Variants in VPS13B observed in about 807,000 individuals in gnomAD.
The protein encoded by VPS13B is intermembrane lipid transfer protein VPS13B.
In VPS13B, 285 loss-of-function variants were observed where a neutral mutation model predicts 426.4. The observed-to-expected ratio is 0.67, with a 90% CI of 0.61 to 0.74. The LOEUF (loss-of-function observed/expected upper bound fraction) is 0.74, where lower values mean the gene tolerates loss of function less well. Among genes scored for constraint, VPS13B ranks in the 30% least tolerant of loss-of-function variants. VPS13B has a pLI of 0.00. For synonymous variants in VPS13B, 1,676 were observed against 1,676.4 expected (o/e 1.00, Z 0.01); for missense variants, 4,537 against 4,782.6 (o/e 0.95, Z 1.51).
intron 17 of VPS13B, among the ~76,000 whole-genome samples, chr8:99,207,030 A>C (rs1814769795): frequency 6.6e-6 from 1 of 152,188 alleles, no homozygotes; most frequent in Non-Finnish European, 1.5e-5. Flanking sequence ...AATTGGAGTA[A>C]AAAGACATTA....
chr8:99,787,108 A>G (rs976890818), intron 43 of VPS13B, among the ~76,000 whole-genome samples: 1 of 152,184 alleles, frequency 6.6e-6, no homozygotes, highest in Admixed American at 6.6e-5. Flanking sequence ...TAGTCAATTC[A>G]TAGTCTCAGG....
intron 33 of VPS13B, among the ~76,000 whole-genome samples, chr8:99,621,496 T>C (rs570856476): frequency 1.3e-5 from 2 of 152,318 alleles, no homozygotes; most frequent in East Asian, 3.9e-4. Flanking sequence ...ATCAGCCCAG[T>C]TGACTTTTTT....
At chr8:99,415,131 G>A (rs887653322) in intron 21 of VPS13B, among the ~76,000 whole-genome samples, 2 of 151,054 alleles carry the variant, frequency 1.3e-5, no homozygotes, top group East Asian at 3.9e-4. Flanking sequence ...CTCTAATCTT[G>A]TCTTCACACT....
At chr8:99,651,016 A>G (rs1456351191) in intron 34 of VPS13B, among the ~76,000 whole-genome samples, 3 of 152,202 alleles carry the variant, frequency 2.0e-5, no homozygotes, top group Admixed American at 6.5e-5. Context: ...TAGGATATAA[A>G]TAGGCTATAA....
intron 17 of VPS13B, among the ~76,000 whole-genome samples, chr8:99,271,127 T>C (rs544782430): frequency 2.2e-4 from 34 of 152,152 alleles, no homozygotes; most frequent in African/African-American, 8.2e-4. Context: ...CAGTGCATGT[T>C]AAGTGCTATG....
intron 24 of VPS13B, among the ~76,000 whole-genome samples, chr8:99,471,617 A>C (rs1819411036): frequency 6.6e-6 from 1 of 152,178 alleles, no homozygotes; most frequent in African/African-American, 2.4e-5. Context: ...AGGAACAAAA[A>C]ATGGAGGGTA....
intron 3 of VPS13B, among the ~76,000 whole-genome samples, chr8:99,039,260 T>C (rs770330163): frequency 2.0e-5 from 3 of 152,212 alleles, no homozygotes; most frequent in Non-Finnish European, 4.4e-5. Flanking sequence ...CAGGTTATTT[T>C]TTGGGAAGAT....
intron 6 of VPS13B, among the ~76,000 whole-genome samples, 199 bp from the exon 7 acceptor site, chr8:99,115,501 C>G (rs879584203): frequency 6.6e-6 from 1 of 152,044 alleles, no homozygotes; most frequent in South Asian, 2.1e-4. Flanking sequence ...TCGTTTCTAT[C>G]TAACGTGTAT....
At chr8:99,614,370 C>G (rs373707320) in intron 33 of VPS13B, among the ~76,000 whole-genome samples, 1 of 152,020 alleles carries the variant, frequency 6.6e-6, no homozygotes, top group Non-Finnish European at 1.5e-5. Flanking sequence ...CTCCGCCTCC[C>G]GGGTTCAAGC....
In VPS13B at chr8:99,467,463, C is replaced by G; in HGVS notation, c.3495C>G (p.Thr1165=). ...GCTTGCATAATTTCAGCATATATAC[C>G]CTTCTTGGAAAACAAGTGACACTTT... ...TISLHNFSIY[T]LLGKQVTLCL... is the part of the protein sequence containing the mutation. Residue 1165 remains threonine (T), a synonymous_variant, in exon 24 of 62, where the codon ACC becomes ACG. Coordinates refer to ENST00000357162, the MANE Select transcript of VPS13B (RefSeq NM_152564.5). The G allele has an allele frequency of 1.9e-6, 3 of 1,613,586 alleles. No homozygotes were observed. Among genetic ancestry groups the G allele is most frequent in the Non-Finnish European group, 2.5e-6 (3 of 1,179,738 alleles).
intron 36 of VPS13B, among the ~76,000 whole-genome samples, chr8:99,706,572 T>G (rs1251057872): frequency 6.6e-6 from 1 of 152,164 alleles, no homozygotes; most frequent in African/African-American, 2.4e-5. Flanking sequence ...GATCTTATCT[T>G]TAACCAAATT....
chr8:99,682,801 G>T (rs1831209187), intron 35 of VPS13B, among the ~76,000 whole-genome samples: 1 of 152,118 alleles, frequency 6.6e-6, no homozygotes. Flanking sequence ...TGCCAGGCTT[G>T]TGTCCCTCCC....
chr8:99,801,727 T>C (rs540105324), intron 43 of VPS13B, among the ~76,000 whole-genome samples: 1 of 152,348 alleles, frequency 6.6e-6, no homozygotes, highest in South Asian at 2.1e-4. Flanking sequence ...ACTGAATATC[T>C]GTTTATCCTA....
At chr8:99,322,599 T>A (rs1810036268) in intron 19 of VPS13B, among the ~76,000 whole-genome samples, 1 of 152,216 alleles carries the variant, frequency 6.6e-6, no homozygotes, top group South Asian at 2.1e-4. Flanking sequence ...AAATGTTGAA[T>A]TGGGAGTTTA....
intron 23 of VPS13B, among the ~76,000 whole-genome samples, chr8:99,460,221 C>A (rs1354837529): frequency 6.6e-6 from 1 of 151,694 alleles, no homozygotes; most frequent in Non-Finnish European, 1.5e-5. Context: ...TTTTAGTGTA[C>A]CATTTAATTT....
At chr8:99,054,208 G>A (rs1019362111) in intron 3 of VPS13B, among the ~76,000 whole-genome samples, 1 of 152,144 alleles carries the variant, frequency 6.6e-6, no homozygotes, top group Non-Finnish European at 1.5e-5. Context: ...AGAATTGCTG[G>A]ATCATATAGT....
chr8:99,359,490 C>A, intron 19 of VPS13B, among the ~76,000 whole-genome samples: 1 of 151,794 alleles, frequency 6.6e-6, no homozygotes, highest in Admixed American at 6.6e-5. Context: ...ATGCAGATAC[C>A]ACAATGAAAG....
At position 99,110,958 on chromosome 8, in the gene VPS13B, G is replaced by A. The variant is rs901506151; in HGVS notation, c.581-140G>A. The stretch of plus-strand genomic sequence containing the variant: ...TAAAATGAAAAGTTCATTGCATATG[G>A]TCTGGCATTATGTATTAAATGCTCC... On this transcript the variant is annotated intron_variant, in intron 5 of 61. Coordinates refer to ENST00000357162, the MANE Select transcript of VPS13B (RefSeq NM_152564.5). The A allele has an allele frequency of 1.5e-4, 85 of 572,756 alleles. 1 individual carries two copies. In the African/African-American group the frequency reaches 1.5e-3, roughly 10 times the overall value. 35.5% of individuals were successfully genotyped at this position (572,756 alleles called of 1,614,324 possible).
chr8:99,390,853 C>G (rs1265890189), intron 20 of VPS13B, among the ~76,000 whole-genome samples: 1 of 152,188 alleles, frequency 6.6e-6, no homozygotes, highest in Admixed American at 6.5e-5. Context: ...GCATCATCAT[C>G]AGTAACATCA....
Sources: gnomAD v4.1 joint callset for allele counts (sites outside exome capture counted in the v4.1 genomes callset) on GRCh38, gnomAD v4.1.1 for gene constraint, MANE v1.5 for transcripts, NCBI Gene and HGNC (gene_info 2026-07-23, HGNC 2026-07-21) for gene names.